The following SBF2 variants were observed in gnomAD, a reference collection of about 807,000 sequenced individuals.
SBF2 encodes the protein myotubularin-related protein 13.
A neutral mutation model predicts 225.2 loss-of-function variants in SBF2; 112 were observed. That is an observed-to-expected ratio of 0.50 (90% confidence interval 0.43 to 0.58). SBF2 has a LOEUF of 0.58. Ranked by LOEUF, SBF2 falls within the 20% of genes least tolerant of loss-of-function variation. The pLI is 0.00. For missense variants in SBF2, 1,996 were observed against 2,206.2 expected, an observed-to-expected ratio of 0.90 and a Z score of 1.91; for synonymous variants, 763 against 773.3, an observed-to-expected ratio of 0.99 and a Z score of 0.22.
chr11:10,064,796 G>A (rs1950573395), intron 2 of SBF2, among the ~76,000 whole-genome samples: 2 of 152,150 alleles, frequency 1.3e-5, no homozygotes, highest in Admixed American at 6.5e-5. Context: ...TGATAGAACA[G>A]CAAGAGGGAA....
intron 2 of SBF2, among the ~76,000 whole-genome samples, chr11:10,178,421 A>G (rs1956566713): frequency 7.1e-6 from 1 of 140,960 alleles, no homozygotes; most frequent in Non-Finnish European, 1.5e-5. Context: ...ACAAAATGGG[A>G]GAAAATTTTC....
upstream of SBF2, among the ~76,000 whole-genome samples, chr11:10,298,317 G>A (rs1227140408): frequency 2.0e-5 from 3 of 152,210 alleles, no homozygotes. Context: ...CTTGAACCCA[G>A]GAGGCAGAGG....
At chr11:10,296,487 G>T (rs1229062540), upstream of SBF2, among the ~76,000 whole-genome samples, 2 of 152,094 alleles carry the variant, frequency 1.3e-5, no homozygotes, top group Non-Finnish European at 2.9e-5. Context: ...GCAGGAGAAA[G>T]ACCCGCCCCC....
At chr11:9,855,237 C>A (rs1857232821) in intron 19 of SBF2, among the ~76,000 whole-genome samples, 1 of 152,170 alleles carries the variant, frequency 6.6e-6, no homozygotes, top group Admixed American at 6.5e-5. Context: ...GGTAAGAGAT[C>A]TGTGCAGTTG....
At chr11:10,209,800 A>T (rs1957869115) in intron 1 of SBF2, among the ~76,000 whole-genome samples, 1 of 152,100 alleles carries the variant, frequency 6.6e-6, no homozygotes, top group Non-Finnish European at 1.5e-5. Flanking sequence ...TAAAACATTA[A>T]TAGCTTAAAC....
chr11:9,943,011 G>A (rs1357471723), intron 16 of SBF2, among the ~76,000 whole-genome samples: 1 of 142,158 alleles, frequency 7.0e-6, no homozygotes, highest in Non-Finnish European at 1.6e-5. Flanking sequence ...AAGAAAGAAA[G>A]AGAAAGAAAG....
At chr11:10,081,011 T>C (rs1020316363) in intron 2 of SBF2, among the ~76,000 whole-genome samples, 10 of 151,916 alleles carry the variant, frequency 6.6e-5, no homozygotes, top group East Asian at 1.9e-4. Context: ...ACAATACTAG[T>C]GGGGGATGTC....
At chr11:9,865,380 T>C (rs1173064652) in intron 17 of SBF2, among the ~76,000 whole-genome samples, 7 of 152,048 alleles carry the variant, frequency 4.6e-5, no homozygotes, top group Admixed American at 4.6e-4. Context: ...TAAGTACCAT[T>C]ATTTCTCCTG....
intron 6 of SBF2, among the ~76,000 whole-genome samples, chr11:10,005,046 T>C (rs1196213444): frequency 2.0e-5 from 3 of 152,126 alleles, no homozygotes; most frequent in Non-Finnish European, 4.4e-5. Context: ...CATCAGGTGA[T>C]GGTCAGGTGA....
intron 13 of SBF2, among the ~76,000 whole-genome samples, chr11:9,978,241 T>A (rs897133524): frequency 6.6e-6 from 1 of 152,224 alleles, no homozygotes; most frequent in African/African-American, 2.4e-5. Flanking sequence ...TTTAACTTTA[T>A]AAAGTATTTA....
intron 8 of SBF2, among the ~76,000 whole-genome samples, chr11:9,999,716 ATT>A (rs1947870217): frequency 6.6e-6 from 1 of 152,204 alleles, no homozygotes; most frequent in Non-Finnish European, 1.5e-5. Flanking sequence ...TTAAATGTTT[ATT>A]GATTTACACA....
intron 17 of SBF2, among the ~76,000 whole-genome samples, chr11:9,877,361 T>G (rs1339030903): frequency 1.3e-5 from 2 of 152,198 alleles, no homozygotes. Context: ...CAATTAGGTT[T>G]TAAAAACTAA....
intron 21 of SBF2, among the ~76,000 whole-genome samples, chr11:9,851,022 G>T (rs1238994734): frequency 6.6e-6 from 1 of 151,874 alleles, no homozygotes; most frequent in East Asian, 1.9e-4. Context: ...TGTAATCTCA[G>T]CTACTCAGAA....
intron 6 of SBF2, among the ~76,000 whole-genome samples, chr11:10,008,270 G>A (rs1001746866): frequency 2.0e-5 from 3 of 152,162 alleles, no homozygotes; most frequent in Admixed American, 6.5e-5. Flanking sequence ...CACTTTCACA[G>A]AGAGGCTACA....
At chr11:9,888,156 A>G (rs1590339151) in intron 17 of SBF2, among the ~76,000 whole-genome samples, 1 of 152,292 alleles carries the variant, frequency 6.6e-6, no homozygotes. Context: ...TTAGTGAAAT[A>G]CAAAAGTGTA....
At chr11:10,121,476 C>T (rs967917500) in intron 2 of SBF2, among the ~76,000 whole-genome samples, 1 of 152,192 alleles carries the variant, frequency 6.6e-6, no homozygotes, top group African/African-American at 2.4e-5. Flanking sequence ...AAAGATATAT[C>T]CCCCTCCCAC....
intron 2 of SBF2, among the ~76,000 whole-genome samples, chr11:10,181,692 C>T (rs1222867194): frequency 2.6e-5 from 4 of 152,020 alleles, no homozygotes; most frequent in Non-Finnish European, 5.9e-5. Flanking sequence ...CAATAGTAAA[C>T]TATTTCTGAA....
At chr11:10,132,513 G>C (rs889082571) in intron 2 of SBF2, among the ~76,000 whole-genome samples, 5 of 147,682 alleles carry the variant, frequency 3.4e-5, no homozygotes, top group African/African-American at 1.3e-4. Context: ...GCAGACCTTC[G>C]CGGTGAGTGT....
intron 1 of SBF2, among the ~76,000 whole-genome samples, chr11:10,285,661 G>T (rs549943146): frequency 6.6e-6 from 1 of 152,282 alleles, no homozygotes; most frequent in African/African-American, 2.4e-5. Context: ...CCTCTAGAGG[G>T]TATTTAAACC....
Sources: allele counts gnomAD v4.1 joint callset (sites outside exome capture counted in the v4.1 genomes callset), GRCh38; gene constraint gnomAD v4.1.1; transcripts MANE v1.5; gene names NCBI Gene and HGNC (gene_info 2026-07-23, HGNC 2026-07-21).